Variants in CNTN5 observed in about 807,000 individuals in gnomAD.
CNTN5 encodes contactin-5.
In CNTN5, 77 loss-of-function variants were observed where a neutral mutation model predicts 129.1. The observed-to-expected ratio is 0.60, with a 90% CI of 0.50 to 0.72. CNTN5 has a LOEUF of 0.72. Among genes scored for constraint, CNTN5 ranks in the 30% least tolerant of loss-of-function variants. The probability of loss-of-function intolerance (pLI) is 0.00; values close to 1 mark genes in which losing one functional copy is unlikely to be tolerated. For synonymous variants in CNTN5, 509 were observed against 465.6 expected, an observed-to-expected ratio of 1.09 and a Z score of -1.20; for missense variants, 1,478 against 1,328.8, an observed-to-expected ratio of 1.11 and a Z score of -1.75.
intron 21 of CNTN5, 187 bp downstream of exon 21, chr11:100,308,655 C>G: frequency 7.7e-7 from 1 of 1,297,452 alleles, no homozygotes; most frequent in Non-Finnish European, 9.8e-7. Flanking sequence ...GTTTATTTTT[C>G]AGTACAGTAG....
intron 15 of CNTN5, among the ~76,000 whole-genome samples, chr11:100,213,333 T>C (rs567273813): frequency 3.0e-4 from 45 of 152,286 alleles, no homozygotes; most frequent in African/African-American, 1.0e-3. Flanking sequence ...TGACTTCAGT[T>C]CCAGCATTTA....
chr11:100,147,638 TTG>T (rs373305273), intron 13 of CNTN5, among the ~76,000 whole-genome samples: 8 of 151,258 alleles, frequency 5.3e-5, no homozygotes, highest in Non-Finnish European at 1.2e-4. Context: ...ATGCGTGTAT[TTG>T]TGTGTGTGTG....
chr11:99,640,442 G>A (rs1184894852), intron 3 of CNTN5, among the ~76,000 whole-genome samples: 1 of 152,210 alleles, frequency 6.6e-6, no homozygotes, highest in African/African-American at 2.4e-5. Context: ...CAGATCTCAT[G>A]TGACTTATTC....
chr11:99,099,557 C>T (rs1473171200), intron 1 of CNTN5, among the ~76,000 whole-genome samples: 7 of 133,728 alleles, frequency 5.2e-5, no homozygotes, highest in Non-Finnish European at 1.1e-4. Context: ...TATACACACA[C>T]ACACACACAC....
intron 13 of CNTN5, among the ~76,000 whole-genome samples, chr11:100,146,255 A>AAAAG (rs1342324849): frequency 6.6e-6 from 1 of 152,122 alleles, no homozygotes; most frequent in African/African-American, 2.4e-5. Flanking sequence ...ATATTAGAAG[A>AAAAG]AAAGAGCTCA....
In CNTN5 at chr11:99,576,444, AT is replaced by A. The variant is rs1260568778; in HGVS notation, c.55+20176del. On this transcript the variant is annotated intron_variant, in intron 3 of 24. Transcript: ENST00000524871. ...TTGGATATTTTCTCCTTATTGACAT[AT>A]AACCCTTTTGGTAGCCTTTCATTGA... Among the ~76,000 whole-genome samples the A allele has an allele frequency of 5.9e-5, 9 of 152,302 alleles. No homozygotes were observed. The East Asian group carries it at 1.7e-3, about 29-fold the overall frequency.
chr11:99,727,322 A>AAAAAAAAAAAAAAG (rs1565466265), intron 3 of CNTN5, among the ~76,000 whole-genome samples: 1 of 126,748 alleles, frequency 7.9e-6, no homozygotes, highest in African/African-American at 3.0e-5. Flanking sequence ...CAAAAAAAAA[A>AAAAAAAAAAAAAAG]AAAAAAAAAA....
intron 10 of CNTN5, among the ~76,000 whole-genome samples, chr11:100,067,082 T>C (rs10894384): frequency 0.41 from 61,760 of 151,736 alleles, 12,948 homozygotes; most frequent in East Asian, 0.55. Flanking sequence ...ATAAAATATC[T>C]TGCAATGTAA....
At chr11:100,133,313 A>T (rs1946430444) in intron 13 of CNTN5, among the ~76,000 whole-genome samples, 2 of 152,120 alleles carry the variant, frequency 1.3e-5, no homozygotes, top group South Asian at 4.1e-4. Flanking sequence ...CCAACATGAG[A>T]GGATTAACTG....
chr11:99,928,449 C>T (rs1950113332), intron 7 of CNTN5, among the ~76,000 whole-genome samples: 1 of 152,220 alleles, frequency 6.6e-6, no homozygotes, highest in African/African-American at 2.4e-5. Flanking sequence ...CCTGGACATT[C>T]AGGCACTCCC....
At chr11:100,116,009 C>A (rs1945829690) in intron 13 of CNTN5, among the ~76,000 whole-genome samples, 1 of 151,960 alleles carries the variant, frequency 6.6e-6, no homozygotes, top group Non-Finnish European at 1.5e-5. Flanking sequence ...CTGTCTGAAG[C>A]CATTAATGCT....
At chr11:99,786,317 C>G (rs1316662944) in intron 3 of CNTN5, among the ~76,000 whole-genome samples, 1 of 152,024 alleles carries the variant, frequency 6.6e-6, no homozygotes, top group East Asian at 1.9e-4. Flanking sequence ...AGGACCTCTT[C>G]AAGGAGAACT....
At chr11:99,196,956 C>A (rs1858932955) in intron 1 of CNTN5, among the ~76,000 whole-genome samples, 2 of 151,682 alleles carry the variant, frequency 1.3e-5, no homozygotes, top group Non-Finnish European at 3.0e-5. Flanking sequence ...AGTCACAGAA[C>A]ACAGTAAATA....
chr11:99,956,684 A>G, intron 7 of CNTN5, 122 bp from the exon 8 acceptor site: 1 of 648,380 alleles, frequency 1.5e-6, no homozygotes, highest in East Asian at 2.7e-5. Context: ...ATATAGATAC[A>G]TGGATCAAAT....
intron 3 of CNTN5, among the ~76,000 whole-genome samples, chr11:99,600,459 AG>A (rs2135702636): frequency 6.6e-6 from 1 of 152,298 alleles, no homozygotes; most frequent in African/African-American, 2.4e-5. Flanking sequence ...GTAATGGGTA[AG>A]GGAAAGGCCA....
At chr11:99,122,237 C>T (rs1211715349) in intron 1 of CNTN5, among the ~76,000 whole-genome samples, 1 of 152,056 alleles carries the variant, frequency 6.6e-6, no homozygotes, top group African/African-American at 2.4e-5. Flanking sequence ...GCTTTAGGAA[C>T]AGTTGTCATA....
chr11:99,863,391 AG>A (rs1948267855), intron 6 of CNTN5, among the ~76,000 whole-genome samples: 1 of 152,112 alleles, frequency 6.6e-6, no homozygotes, highest in Admixed American at 6.6e-5. Context: ...GCTAATTTGC[AG>A]GGAAAAGGGA....
At chr11:99,254,616 G>A (rs1165660750) in intron 1 of CNTN5, among the ~76,000 whole-genome samples, 1 of 151,848 alleles carries the variant, frequency 6.6e-6, no homozygotes, top group African/African-American at 2.4e-5. Context: ...AAGTTGAATT[G>A]TTGATACCTT....
intron 1 of CNTN5, among the ~76,000 whole-genome samples, chr11:99,218,619 T>C (rs1860246565): frequency 6.6e-6 from 1 of 152,142 alleles, no homozygotes; most frequent in South Asian, 2.1e-4. Context: ...TCCAATTGCC[T>C]ACTCACCATT....
Sources: allele counts gnomAD v4.1 joint callset (sites outside exome capture counted in the v4.1 genomes callset), GRCh38; gene constraint gnomAD v4.1.1; transcripts MANE v1.5; gene names NCBI Gene and HGNC (gene_info 2026-07-23, HGNC 2026-07-21).